The following SMYD3 variants were observed in gnomAD, a reference collection of about 807,000 sequenced individuals.
The protein encoded by SMYD3 is histone-lysine N-methyltransferase SMYD3.
SMYD3 carries 36 observed loss-of-function variants against 57.7 expected under a neutral mutation model. The observed-to-expected ratio is 0.62, with a 90% confidence interval of 0.48 to 0.82. The LOEUF (loss-of-function observed/expected upper bound fraction) is 0.82. SMYD3 is among the 40% of genes least tolerant of loss of function. The pLI is 0.00. For synonymous variants in SMYD3, 211 were observed against 195.0 expected (o/e 1.08, Z -0.68); for missense variants, 515 against 538.8 (o/e 0.96, Z 0.44).
Position 246,138,448 on chromosome 1 carries a change from C to T in SMYD3, c.531+188753G>A, listed in dbSNP as rs528438184. Among the ~76,000 whole-genome samples, 37 of 148,160 alleles carry T rather than the reference C, an allele frequency of 2.5e-4. 1 individual carries two copies. The highest frequency in any genetic ancestry group is 7.8e-4 in the African/African-American group (32 of 41,064). ...TTATTTATTTATTTTTTTTCTGAGA[C>T]GGAGTCTCGCTCTGTCGCCCAGGCT... On this transcript the variant is annotated intron_variant, in intron 5 of 11. Coordinates refer to ENST00000490107, the MANE Select transcript of SMYD3 (RefSeq NM_001167740.2).
intron 1 of SMYD3, among the ~76,000 whole-genome samples, chr1:246,501,921 T>C (rs148801148): frequency 6.6e-6 from 1 of 152,320 alleles, no homozygotes; most frequent in Non-Finnish European, 1.5e-5. Flanking sequence ...TAGCAACCAC[T>C]TCCCTAGCGG....
intron 5 of SMYD3, among the ~76,000 whole-genome samples, chr1:246,046,363 A>C (rs1431446518): frequency 5.9e-5 from 9 of 152,118 alleles, no homozygotes; most frequent in Non-Finnish European, 1.3e-4. Context: ...TTCTCAGCAA[A>C]CTATCGCAAG....
intron 5 of SMYD3, among the ~76,000 whole-genome samples, chr1:246,154,821 G>T (rs916525947): frequency 6.8e-6 from 1 of 147,434 alleles, no homozygotes; most frequent in Admixed American, 6.9e-5. Flanking sequence ...TCACTCTGTC[G>T]CCCAGGCTGG....
chr1:245,905,205 G>C (rs1057070473), intron 8 of SMYD3, among the ~76,000 whole-genome samples: 1 of 151,876 alleles, frequency 6.6e-6, no homozygotes, highest in Admixed American at 6.6e-5. Flanking sequence ...CCTTCTGTTT[G>C]AGAAAAGCAG....
At chr1:246,194,625 C>G (rs2062802347) in intron 5 of SMYD3, among the ~76,000 whole-genome samples, 1 of 152,164 alleles carries the variant, frequency 6.6e-6, no homozygotes, top group African/African-American at 2.4e-5. Flanking sequence ...ACCTAGCCAT[C>G]TAGAGCTGTG....
intron 5 of SMYD3, among the ~76,000 whole-genome samples, chr1:245,937,003 A>C (rs930654266): frequency 1.3e-5 from 2 of 152,228 alleles, no homozygotes; most frequent in Non-Finnish European, 2.9e-5. Context: ...TTGTAATACA[A>C]GTCAAGTAAA....
At chr1:246,316,925 G>A (rs896933008) in intron 5 of SMYD3, among the ~76,000 whole-genome samples, 11 of 151,064 alleles carry the variant, frequency 7.3e-5, no homozygotes, top group African/African-American at 2.7e-4. Context: ...AACCTGGGAG[G>A]TGGAGGTTGC....
At chr1:246,458,082 T>C (rs1021281473) in intron 1 of SMYD3, among the ~76,000 whole-genome samples, 5 of 152,208 alleles carry the variant, frequency 3.3e-5, no homozygotes, top group African/African-American at 4.8e-5. Flanking sequence ...TTTTTCTGAC[T>C]TGGGTCCAAG....
intron 1 of SMYD3, among the ~76,000 whole-genome samples, chr1:246,491,495 G>A (rs557421821): frequency 8.0e-5 from 12 of 150,484 alleles, no homozygotes; most frequent in Non-Finnish European, 1.0e-4. Flanking sequence ...AGCCGAGATC[G>A]CACCATTGCA....
chr1:246,263,346 G>T (rs1367391223), intron 5 of SMYD3, among the ~76,000 whole-genome samples: 4 of 120,734 alleles, frequency 3.3e-5, no homozygotes, highest in Non-Finnish European at 6.9e-5. Context: ...GGATGTATGT[G>T]ACCTGGGCAC....
At chr1:245,872,603 G>A (rs1050626464) in intron 8 of SMYD3, among the ~76,000 whole-genome samples, 1 of 152,188 alleles carries the variant, frequency 6.6e-6, no homozygotes, top group Non-Finnish European at 1.5e-5. Context: ...AAATGCTCGT[G>A]GTGAGGAGAA....
chr1:245,994,849 G>A (rs1168120591), intron 5 of SMYD3, among the ~76,000 whole-genome samples: 2 of 151,930 alleles, frequency 1.3e-5, no homozygotes, highest in African/African-American at 2.4e-5. Flanking sequence ...ACCTTCGGCT[G>A]GGCGCAGTGG....
intron 5 of SMYD3, among the ~76,000 whole-genome samples, chr1:246,268,585 T>C (rs1173146534): frequency 6.6e-6 from 1 of 151,954 alleles, no homozygotes; most frequent in Admixed American, 6.6e-5. Context: ...ACACCTGTAG[T>C]CCCAGCTACC....
intron 1 of SMYD3, among the ~76,000 whole-genome samples, chr1:246,435,654 G>C (rs1015001198): frequency 6.6e-6 from 1 of 151,870 alleles, no homozygotes; most frequent in East Asian, 1.9e-4. Flanking sequence ...GCTTGAATGA[G>C]GAAGGGGGAA....
Position 245,801,398 on chromosome 1 carries a change from T to C in SMYD3, c.1077-37249A>G, listed in dbSNP as rs35566835. 4.4e-3 allele frequency among the ~76,000 whole-genome samples: 665 copies of C among 152,350 alleles called. 6 individuals are homozygous for C. The highest frequency in any genetic ancestry group is 3.9e-3 in the Non-Finnish European group (268 of 68,038). The stretch of plus-strand genomic sequence containing the variant: ...GGGCATGGAATCAGGCCATCATTTC[T>C]AGCCACGGTAACTAAACTTACTTCT... On this transcript the variant is annotated intron_variant, in intron 10 of 11. Transcript: ENST00000490107.
intron 5 of SMYD3, among the ~76,000 whole-genome samples, chr1:246,033,052 A>T (rs1173246652): frequency 1.3e-5 from 2 of 152,194 alleles, no homozygotes. Flanking sequence ...ATTCCTGAGC[A>T]TTTATCCCAA....
chr1:246,328,927 G>A (rs977856028), intron 4 of SMYD3, among the ~76,000 whole-genome samples: 15 of 151,566 alleles, frequency 9.9e-5, no homozygotes, highest in Admixed American at 7.2e-4. Flanking sequence ...ACCTACGAGT[G>A]AGAATATGCG....
chr1:246,315,916 T>C (rs2065148726), intron 5 of SMYD3, among the ~76,000 whole-genome samples: 1 of 152,172 alleles, frequency 6.6e-6, no homozygotes, highest in Non-Finnish European at 1.5e-5. Flanking sequence ...CAAATGGCAA[T>C]GTCTGATTTT....
At chr1:245,803,723 A>T (rs1468181599) in intron 10 of SMYD3, among the ~76,000 whole-genome samples, 1 of 152,220 alleles carries the variant, frequency 6.6e-6, no homozygotes, top group Non-Finnish European at 1.5e-5. Flanking sequence ...AAAAGCTGGA[A>T]GGAAAATGAC....
Sources: allele counts gnomAD v4.1 joint callset (sites outside exome capture counted in the v4.1 genomes callset), GRCh38; gene constraint gnomAD v4.1.1; transcripts MANE v1.5; gene names NCBI Gene and HGNC (gene_info 2026-07-23, HGNC 2026-07-21).